The following CPEB3 variants were observed in gnomAD, a reference collection of about 807,000 sequenced individuals.
CPEB3 encodes the protein cytoplasmic polyadenylation element binding protein 3.
Under a neutral mutation model 67.2 loss-of-function variants are expected in CPEB3, and 20 were observed. That is an observed-to-expected ratio of 0.30 (90% CI 0.21 to 0.43). CPEB3 has a LOEUF of 0.43. Ranked by LOEUF, CPEB3 falls within the 20% of genes least tolerant of loss-of-function variation. The pLI, the probability that CPEB3 is intolerant of heterozygous loss-of-function variation, is 1.00. For synonymous variants in CPEB3, 376 were observed against 393.1 expected (o/e 0.96, Z 0.51); for missense variants, 746 against 968.6 (o/e 0.77, Z 3.05).
At chr10:92,253,068 T>C (rs1852366380) in intron 1 of CPEB3, among the ~76,000 whole-genome samples, 2 of 151,982 alleles carry the variant, frequency 1.3e-5, no homozygotes, top group African/African-American at 4.8e-5. Context: ...GTAATTGCCT[T>C]TACAGGGAAA....
chr10:92,178,670 A>G (rs1344341875), intron 4 of CPEB3, among the ~76,000 whole-genome samples: 1 of 152,168 alleles, frequency 6.6e-6, no homozygotes, highest in African/African-American at 2.4e-5. Context: ...GCAACACTTT[A>G]TCTCTATAAA....
chr10:92,212,627 A>G (rs1386723461), intron 2 of CPEB3, among the ~76,000 whole-genome samples: 3 of 152,232 alleles, frequency 2.0e-5, no homozygotes, highest in African/African-American at 7.2e-5. Context: ...TGTCGCTAGA[A>G]TAAACTGAGA....
chr10:92,258,647 T>TATATAC (rs1852642247), intron 1 of CPEB3, among the ~76,000 whole-genome samples: 1 of 35,724 alleles, frequency 2.8e-5, no homozygotes, highest in African/African-American at 5.8e-5. Flanking sequence ...TATATATATA[T>TATATAC]ATATATATAT....
chr10:92,067,079 TAA>T (rs1842578279), intron 9 of CPEB3, among the ~76,000 whole-genome samples: 1 of 150,588 alleles, frequency 6.6e-6, no homozygotes, highest in African/African-American at 2.4e-5. Context: ...AAATAATAAA[TAA>T]ATTTATTTTT....
intron 1 of CPEB3, among the ~76,000 whole-genome samples, chr10:92,264,636 A>G (rs1852961009): frequency 6.6e-6 from 1 of 151,766 alleles, no homozygotes; most frequent in Non-Finnish European, 1.5e-5. Flanking sequence ...GAATTGCTTG[A>G]ACCCGGGAGG....
At chr10:92,103,606 T>G (rs1844296676) in intron 7 of CPEB3, among the ~76,000 whole-genome samples, 1 of 152,246 alleles carries the variant, frequency 6.6e-6, no homozygotes, top group Non-Finnish European at 1.5e-5. Flanking sequence ...CAAGTCAACA[T>G]GAATTTTTAC....
intron 6 of CPEB3, among the ~76,000 whole-genome samples, chr10:92,129,959 C>G (rs1260961599): frequency 6.6e-6 from 1 of 152,058 alleles, no homozygotes; most frequent in African/African-American, 2.4e-5. Flanking sequence ...ACTGCTTGAG[C>G]CCTGGAAGTC....
At chr10:92,191,133 C>T (rs1379216011) in intron 3 of CPEB3, among the ~76,000 whole-genome samples, 3 of 151,964 alleles carry the variant, frequency 2.0e-5, no homozygotes, top group African/African-American at 4.8e-5. Context: ...AAGTATCAGC[C>T]GGGTGCGGTG....
chr10:92,169,712 T>G (rs1003214852), intron 4 of CPEB3, among the ~76,000 whole-genome samples: 5 of 152,224 alleles, frequency 3.3e-5, no homozygotes, highest in African/African-American at 1.2e-4. Flanking sequence ...TACACTCTCC[T>G]GTTGTTCTTA....
chr10:92,146,574 T>C (rs999160959), intron 4 of CPEB3, among the ~76,000 whole-genome samples: 3 of 152,170 alleles, frequency 2.0e-5, no homozygotes, highest in Non-Finnish European at 2.9e-5. Context: ...ATACTGAACA[T>C]GTATTTCTTT....
intron 6 of CPEB3, among the ~76,000 whole-genome samples, chr10:92,125,499 G>A (rs1385869307): frequency 6.6e-6 from 1 of 152,224 alleles, no homozygotes; most frequent in Non-Finnish European, 1.5e-5. Context: ...CCCACTATGA[G>A]AGGTGAGGCT....
At chr10:92,168,377 T>A (rs1205994778) in intron 4 of CPEB3, among the ~76,000 whole-genome samples, 2 of 152,206 alleles carry the variant, frequency 1.3e-5, no homozygotes, top group Admixed American at 1.3e-4. Flanking sequence ...AAAGATATTA[T>A]GAGATAAAAA....
rs191099589 is a variant in CPEB3, at chr10:92,133,929, T to G, written c.1453+9100A>C. The stretch of plus-strand genomic sequence containing the variant: ...CAACAACAAAAAAACCACGATTATC[T>G]CAATAGATGCAGGAAAGGCCTTTGA... On this transcript the variant is annotated intron_variant, in intron 6 of 9. Coordinates refer to ENST00000265997, the MANE Select transcript of CPEB3 (RefSeq NM_014912.5). 3.3e-5 allele frequency among the ~76,000 whole-genome samples: 5 copies of G among 152,236 alleles called. No homozygotes were observed. In the East Asian group the frequency reaches 9.6e-4, roughly 29 times the overall value.
At chr10:92,183,979 C>T (rs1848575365) in intron 3 of CPEB3, among the ~76,000 whole-genome samples, 1 of 152,146 alleles carries the variant, frequency 6.6e-6, no homozygotes, top group Non-Finnish European at 1.5e-5. Flanking sequence ...TAAAGGGGTA[C>T]CCTTTTTGTC....
At chr10:92,280,654 G>GAAAA (rs373137395) in intron 1 of CPEB3, among the ~76,000 whole-genome samples, 1 of 81,062 alleles carries the variant, frequency 1.2e-5, no homozygotes, top group African/African-American at 5.6e-5. Context: ...GGCCGAGAGT[G>GAAAA]AAAAAAAAAA....
chr10:92,105,861 G>A (rs750541674), intron 7 of CPEB3, among the ~76,000 whole-genome samples: 19 of 150,608 alleles, frequency 1.3e-4, no homozygotes, highest in Admixed American at 6.0e-4. Context: ...GATTACAGGC[G>A]TCCGCCACCA....
At chr10:92,107,716 G>GAA (rs5786986) in intron 7 of CPEB3, among the ~76,000 whole-genome samples, 1 of 149,472 alleles carries the variant, frequency 6.7e-6, no homozygotes, top group African/African-American at 2.4e-5. Context: ...ACTGGAGAAG[G>GAA]AAAAAAAAAA....
chr10:92,054,527 C>T (rs185468009), intron 9 of CPEB3, among the ~76,000 whole-genome samples: 1 of 151,942 alleles, frequency 6.6e-6, no homozygotes, highest in Non-Finnish European at 1.5e-5. Flanking sequence ...ACAACCTCCA[C>T]CTCCCAGGTT....
rs116883206 is a variant in CPEB3, at chr10:92,107,556, G to A, written c.1572+3520C>T. On this transcript the variant is annotated intron_variant, in intron 7 of 9. Transcript: ENST00000265997. Reference sequence around the variant, plus strand: ...ATTAGCTTGCTGTCTTGAACCTTCAGGTTCAATCTATTAATATAGTCAAAA... The same window carrying A: ...ATTAGCTTGCTGTCTTGAACCTTCAAGTTCAATCTATTAATATAGTCAAAA... Among the ~76,000 whole-genome samples, 1,116 of 152,184 alleles carry A rather than the reference G, an allele frequency of 7.3e-3. 14 individuals are homozygous for A. Among genetic ancestry groups the A allele is most frequent in the South Asian group, 0.023 (109 of 4,820 alleles).
Sources: allele counts gnomAD v4.1 joint callset (sites outside exome capture counted in the v4.1 genomes callset), GRCh38; gene constraint gnomAD v4.1.1; transcripts MANE v1.5; gene names NCBI Gene and HGNC (gene_info 2026-07-23, HGNC 2026-07-21).